UGT1A6: variants seen among roughly 807,000 people sequenced by gnomAD.
The protein encoded by UGT1A6 is UDP glucuronosyltransferase family 1 member A6, also known as UDP-glucuronosyltransferase 1A6.
Under a neutral mutation model 44.4 loss-of-function variants are expected in UGT1A6, and 32 were observed. That is an observed-to-expected ratio of 0.72 (90% CI 0.54 to 0.97). The LOEUF (loss-of-function observed/expected upper bound fraction) is 0.97. Among genes scored for constraint, UGT1A6 ranks in the 50% least tolerant of loss-of-function variants. UGT1A6 has a pLI of 0.00. For missense variants in UGT1A6, 685 were observed against 661.9 expected (o/e 1.03, Z -0.38); for synonymous variants, 238 against 248.5 (o/e 0.96, Z 0.40).
intron 1 of UGT1A6, among the ~76,000 whole-genome samples, chr2:233,694,798 TC>T (rs2075241848): frequency 1.3e-5 from 2 of 152,218 alleles, no homozygotes; most frequent in Non-Finnish European, 2.9e-5. Context: ...CTGAAATGGT[TC>T]CAGGGATTCT....
At chr2:233,705,460 C>T (rs1045270048) in intron 1 of UGT1A6, among the ~76,000 whole-genome samples, 5 of 152,132 alleles carry the variant, frequency 3.3e-5, no homozygotes, top group Non-Finnish European at 5.9e-5. Flanking sequence ...TATTTTTTAG[C>T]AGACACACAT....
At chr2:233,718,272 G>A (rs551154473) in intron 1 of UGT1A6, among the ~76,000 whole-genome samples, 19 of 152,280 alleles carry the variant, frequency 1.2e-4, no homozygotes, top group Admixed American at 2.6e-4. Context: ...TGTGAAAAAA[G>A]ACCAAAACCA....
At chr2:233,764,522 C>G (rs1698581178) in intron 1 of UGT1A6, among the ~76,000 whole-genome samples, 1 of 152,138 alleles carries the variant, frequency 6.6e-6, no homozygotes, top group Non-Finnish European at 1.5e-5. Context: ...TGAATCACAT[C>G]CTGCTGATTG....
intron 1 of UGT1A6, among the ~76,000 whole-genome samples, chr2:233,726,343 G>T (rs1236966840): frequency 5.3e-5 from 8 of 152,068 alleles, no homozygotes; most frequent in Non-Finnish European, 7.4e-5. Context: ...GTGGTTTTTT[G>T]ATTTATTTAT....
intron 1 of UGT1A6, chr2:233,740,677 T>C (rs536808969): frequency 2.0e-5 from 3 of 151,924 alleles, no homozygotes; most frequent in South Asian, 4.1e-4. Context: ...GGTGTTTCCA[T>C]GGAGGGTGTT....
chr2:233,734,036 A>G (rs1235015147), intron 1 of UGT1A6, among the ~76,000 whole-genome samples: 1 of 152,130 alleles, frequency 6.6e-6, no homozygotes. Context: ...CAGCACACCA[A>G]CATGGCACAT....
At chr2:233,737,500 C>T (rs2078887926) in intron 1 of UGT1A6, among the ~76,000 whole-genome samples, 1 of 152,232 alleles carries the variant, frequency 6.6e-6, no homozygotes, top group South Asian at 2.1e-4. Flanking sequence ...ATCCCTCACC[C>T]TCTTGCACTT....
At chr2:233,713,658 C>G (rs376312935) in intron 1 of UGT1A6, 4 of 1,613,836 alleles carry the variant, frequency 2.5e-6, no homozygotes, top group Non-Finnish European at 2.5e-6. Context: ...CCTGTCCTAC[C>G]TTTGCCATGC....
At chr2:233,765,423 G>T (rs181881481) in intron 1 of UGT1A6, among the ~76,000 whole-genome samples, 1 of 152,168 alleles carries the variant, frequency 6.6e-6, no homozygotes, top group South Asian at 2.1e-4. Context: ...ATACTATGCA[G>T]CCATAACAAG....
At chr2:233,754,997 G>A in intron 1 of UGT1A6, 1 of 1,294,706 alleles carries the variant, frequency 7.7e-7, no homozygotes. Context: ...CACGGAAGCT[G>A]AAGACCTACT....
rs754634228 is a variant in UGT1A6, at chr2:233,718,864, G to T, written c.861+24999G>T. On this transcript the variant is annotated intron_variant, in intron 1 of 4. Coordinates refer to ENST00000305139, the MANE Select transcript of UGT1A6 (RefSeq NM_001072.4). ...GTTCCCCTGCCGCGGCTGGCCACAG[G>T]ACTGCTGCTCCTCCTCAGTGTCCAG... 1 of 1,613,858 alleles carries T rather than the reference G, an allele frequency of 6.2e-7. No homozygotes were observed. The highest frequency in any genetic ancestry group is 2.2e-5 in the East Asian group (1 of 44,890).
At chr2:233,768,083 C>T in intron 3 of UGT1A6, 137 bp from the exon 4 acceptor site, 1 of 1,591,312 alleles carries the variant, frequency 6.3e-7, no homozygotes, top group Non-Finnish European at 8.6e-7. Flanking sequence ...GGTATCTCAA[C>T]CCACATTTTC....
chr2:233,773,017 C>A lies in UGT1A6; in HGVS notation c.*458C>A. 4.9e-6 allele frequency: 1 copy of A among 206,174 alleles called. No individual in the cohort carries two copies. The allele number at this position is 206,174 out of a possible 1,614,324, so 12.8% of individuals were successfully genotyped here. ...CTCTGTCGTGCTTCATAGGTGCCAC[C>A]TTGTGTGTTTAAAGAAGGGAAGCTT... On this transcript the variant is annotated 3_prime_UTR_variant, in exon 5 of 5. Transcript: ENST00000305139.
intron 1 of UGT1A6, among the ~76,000 whole-genome samples, chr2:233,737,122 TTGTC>T (rs1485045027): frequency 6.6e-6 from 1 of 152,146 alleles, no homozygotes; most frequent in Admixed American, 6.5e-5. Context: ...TGTTCAGAAG[TTGTC>T]TGCTGCCTTT....
chr2:233,741,611 T>G (rs1691716714), intron 1 of UGT1A6: 1 of 151,894 alleles, frequency 6.6e-6, no homozygotes. Context: ...CAGAGTTCAG[T>G]GTCAGACCCC....
chr2:233,713,925 T>C, intron 1 of UGT1A6: 1 of 1,612,092 alleles, frequency 6.2e-7, no homozygotes, highest in South Asian at 1.1e-5. Flanking sequence ...TGTATTTACT[T>C]ACAAGTGCTT....
intron 4 of UGT1A6, 99 bp downstream of exon 4, chr2:233,768,538 C>T: frequency 1.5e-6 from 2 of 1,345,412 alleles, no homozygotes; most frequent in South Asian, 1.4e-5. Context: ...AGCGTTGTTT[C>T]AAATATAAAA....
In UGT1A6 at chr2:233,768,589, T is replaced by TC. The variant is rs1441142658; in HGVS notation, c.1301+150_1301+151insC. The TC allele has an allele frequency of 2.3e-4, 239 of 1,048,606 alleles. No individual in the cohort carries two copies. In the East Asian group the frequency reaches 3.3e-3, roughly 15 times the overall value. 65.0% of individuals were successfully genotyped at this position (1,048,606 alleles called of 1,614,324 possible). A position where few individuals can be genotyped will look rare whatever the true frequency, so the allele number is the denominator to read the frequency against. ...TCTGGATTTTTATTTCTTCTTTTTT[T>TC]TTTTTTTTTTTTTTTGAGATGGAGT... On this transcript the variant is annotated intron_variant, in intron 4 of 4. Transcript: ENST00000305139.
chr2:233,702,928 C>A (rs2075715316), intron 1 of UGT1A6, among the ~76,000 whole-genome samples: 1 of 152,064 alleles, frequency 6.6e-6, no homozygotes, highest in Admixed American at 6.5e-5. Flanking sequence ...TCTTGCGGAG[C>A]CTTGGTCTGT....
Sources: gnomAD v4.1 joint callset for allele counts (sites outside exome capture counted in the v4.1 genomes callset) on GRCh38, gnomAD v4.1.1 for gene constraint, MANE v1.5 for transcripts, NCBI Gene and HGNC (gene_info 2026-07-23, HGNC 2026-07-21) for gene names.